The following IL1RAPL2 variants were observed in gnomAD, a reference collection of about 807,000 sequenced individuals.
The protein encoded by IL1RAPL2 is X-linked interleukin-1 receptor accessory protein-like 2.
Under a neutral mutation model 44.1 loss-of-function variants are expected in IL1RAPL2, and 3 were observed. The observed-to-expected ratio is 0.07, with a 90% CI of 0.03 to 0.18. The LOEUF (loss-of-function observed/expected upper bound fraction) is 0.18, where lower values mean the gene tolerates loss of function less well. Ranked by LOEUF, IL1RAPL2 falls within the 10% of genes least tolerant of loss-of-function variation. The pLI is 1.00. For missense variants in IL1RAPL2, 391 were observed against 496.4 expected, an observed-to-expected ratio of 0.79 and a Z score of 2.02; for synonymous variants, 181 against 178.8, an observed-to-expected ratio of 1.01 and a Z score of -0.10.
intron 4 of IL1RAPL2, among the ~76,000 whole-genome samples, chrX:105,243,962 C>T (rs782133885): frequency 1.4e-4 from 16 of 111,404 alleles, no homozygotes; most frequent in African/African-American, 4.9e-4. Flanking sequence ...TTTGTATTTG[C>T]CTTTTATAAA....
intron 2 of IL1RAPL2, among the ~76,000 whole-genome samples, chrX:104,711,770 A>AAG (rs1035111436): frequency 9.0e-6 from 1 of 110,789 alleles, no homozygotes; most frequent in Non-Finnish European, 1.9e-5. Context: ...GAGACACTGG[A>AAG]AGAGAGAGAG....
chrX:104,664,546 G>T (rs747360922), intron 2 of IL1RAPL2, among the ~76,000 whole-genome samples: 1 of 110,933 alleles, frequency 9.0e-6, no homozygotes, highest in Non-Finnish European at 1.9e-5. Context: ...GAATATTATT[G>T]CTTTACACAT....
chrX:105,027,626 G>T (rs948598798), intron 2 of IL1RAPL2, among the ~76,000 whole-genome samples: 1 of 111,587 alleles, frequency 9.0e-6, no homozygotes, highest in Admixed American at 9.5e-5. Flanking sequence ...ACTACAATGA[G>T]ACATCATCTC....
chrX:105,473,135 A>T (rs1198730292), intron 5 of IL1RAPL2, among the ~76,000 whole-genome samples: 2 of 111,720 alleles, frequency 1.8e-5, no homozygotes, highest in Non-Finnish European at 3.8e-5. Flanking sequence ...GGAAATTAGG[A>T]TTTACATTTT....
At chrX:105,262,839 A>T (rs1000655488) in intron 4 of IL1RAPL2, among the ~76,000 whole-genome samples, 2 of 111,096 alleles carry the variant, frequency 1.8e-5, no homozygotes, top group South Asian at 3.8e-4. Flanking sequence ...CGTACTCCTA[A>T]TTGTCTCTTC....
intron 2 of IL1RAPL2, among the ~76,000 whole-genome samples, chrX:104,760,424 C>T (rs1308886354): frequency 8.9e-6 from 1 of 111,943 alleles, no homozygotes; most frequent in African/African-American, 3.2e-5. Context: ...TCCCTTTTCT[C>T]CACATCTTCA....
intron 2 of IL1RAPL2, among the ~76,000 whole-genome samples, chrX:104,919,080 A>G (rs1419966569): frequency 1.8e-5 from 2 of 111,537 alleles, no homozygotes; most frequent in African/African-American, 6.5e-5. Context: ...ATGTAACATG[A>G]ATATGTTTCA....
At chrX:104,999,968 T>C (rs2030823690) in intron 2 of IL1RAPL2, among the ~76,000 whole-genome samples, 2 of 109,499 alleles carry the variant, frequency 1.8e-5, no homozygotes, top group Admixed American at 1.9e-4. Context: ...TTTTTTTTTT[T>C]CTGCATAAGA....
intron 2 of IL1RAPL2, among the ~76,000 whole-genome samples, chrX:104,752,307 G>A (rs1212411235): frequency 9.1e-6 from 1 of 110,236 alleles, no homozygotes; most frequent in Non-Finnish European, 1.9e-5. Context: ...GTGTGAGAGA[G>A]AGAGAGGCTC....
intron 2 of IL1RAPL2, among the ~76,000 whole-genome samples, chrX:104,755,999 G>A (rs1369914614): frequency 1.8e-5 from 2 of 111,441 alleles, no homozygotes; most frequent in Non-Finnish European, 3.8e-5. Flanking sequence ...TATGTAAAGC[G>A]GAATTAACCT....
intron 2 of IL1RAPL2, among the ~76,000 whole-genome samples, chrX:105,047,792 C>G (rs1387596509): frequency 1.8e-5 from 2 of 111,513 alleles, no homozygotes; most frequent in Admixed American, 1.9e-4. Flanking sequence ...GAGATGCTAA[C>G]TGAAGAACAA....
chrX:105,150,648 T>C (rs2033219076), intron 2 of IL1RAPL2, among the ~76,000 whole-genome samples: 1 of 111,974 alleles, frequency 8.9e-6, no homozygotes, highest in Non-Finnish European at 1.9e-5. Flanking sequence ...TCATGGAGGT[T>C]AATAAGCACT....
chrX:105,699,061 GT>G (rs976939228), intron 6 of IL1RAPL2, among the ~76,000 whole-genome samples: 2 of 109,939 alleles, frequency 1.8e-5, no homozygotes, highest in African/African-American at 3.3e-5. Flanking sequence ...AATATGTAGG[GT>G]TTTTTTTCTG....
intron 2 of IL1RAPL2, among the ~76,000 whole-genome samples, chrX:105,024,264 A>G (rs1003754743): frequency 9.0e-6 from 1 of 111,723 alleles, no homozygotes; most frequent in Non-Finnish European, 1.9e-5. Flanking sequence ...CTTTCTGCCC[A>G]TCATACAATT....
chrX:104,633,392 A>G (rs935178105), intron 1 of IL1RAPL2, among the ~76,000 whole-genome samples: 9 of 111,304 alleles, frequency 8.1e-5, no homozygotes, highest in African/African-American at 1.6e-4. Flanking sequence ...TTTTCTATTG[A>G]TTGGAATAGT....
At position 105,592,189 on chromosome X, in the gene IL1RAPL2, G is replaced by T. The variant is rs182752058; in HGVS notation, c.772+107802G>T. ...TGTAATGCCTTTCTTTAATTTTTTT[G>T]ATCATTTTTGGTTTAAGGTCTGTTT... On this transcript the variant is annotated intron_variant, in intron 6 of 10. Coordinates refer to ENST00000372582, the MANE Select transcript of IL1RAPL2 (RefSeq NM_017416.2). Among the ~76,000 whole-genome samples, 617 of 111,259 alleles carry T rather than the reference G, an allele frequency of 5.5e-3. 9 individuals carry two copies. Among genetic ancestry groups the T allele is most frequent in the African/African-American group, 0.019 (579 of 30,640 alleles).
intron 2 of IL1RAPL2, among the ~76,000 whole-genome samples, chrX:104,881,708 C>G (rs752871787): frequency 2.7e-5 from 3 of 112,097 alleles, no homozygotes; most frequent in African/African-American, 9.7e-5. Flanking sequence ...GTTAAAGTAT[C>G]TGTCCTATTG....
At chrX:105,728,091 T>C (rs1196314149) in intron 7 of IL1RAPL2, among the ~76,000 whole-genome samples, 2 of 111,389 alleles carry the variant, frequency 1.8e-5, no homozygotes, top group Non-Finnish European at 3.8e-5. Flanking sequence ...CATCTATGGG[T>C]TTCAACAGAT....
chrX:105,700,077 G>A (rs1254273170), intron 6 of IL1RAPL2, among the ~76,000 whole-genome samples: 2 of 111,383 alleles, frequency 1.8e-5, no homozygotes, highest in African/African-American at 6.5e-5. Context: ...CATTAATTGT[G>A]GAAGTGGTTG....
Sources: gnomAD v4.1 joint callset for allele counts (sites outside exome capture counted in the v4.1 genomes callset) on GRCh38, gnomAD v4.1.1 for gene constraint, MANE v1.5 for transcripts, NCBI Gene and HGNC (gene_info 2026-07-23, HGNC 2026-07-21) for gene names.